TRIM52: variants seen among roughly 807,000 people sequenced by gnomAD.
TRIM52 encodes the protein E3 ubiquitin-protein ligase TRIM52.
A neutral mutation model predicts 27.0 loss-of-function variants in TRIM52; 24 were observed. The observed-to-expected ratio is 0.89, with a 90% CI of 0.64 to 1.25. TRIM52 has a LOEUF of 1.25. Ranked by LOEUF, TRIM52 falls within the 50% of genes most tolerant of loss-of-function variation. TRIM52 has a pLI of 0.00. For missense variants in TRIM52, 351 were observed against 354.7 expected (o/e 0.99, Z 0.08); for synonymous variants, 125 against 126.5 (o/e 0.99, Z 0.08).
Position 181,260,021 on chromosome 5 carries a change from C to T in TRIM52, c.793G>A (p.Glu265Lys), listed in dbSNP as rs200981187. 5.2e-4 allele frequency: 842 copies of T among 1,614,058 alleles called. No homozygotes were observed. Among genetic ancestry groups the T allele is most frequent in the Non-Finnish European group, 6.7e-4 (792 of 1,180,044 alleles). The change falls in exon 1 of 2, where the codon GAG becomes AAG. Residue 265 changes from glutamate (E) to lysine (K), a missense_variant. Physicochemically the swap from Glu to Lys is moderately conservative, Grantham distance 56. Coordinates refer to ENST00000688015, the MANE Select transcript of TRIM52 (RefSeq NM_001346048.2). This position sits in a 1 kb window ranked among gnomAD's most constrained non-coding sequence, Gnocchi z 4.4. Reference protein sequence around the residue: ...HKQHSVLPLEEVVQEYQKIGS... With the variant: ...HKQHSVLPLEKVVQEYQKIGS... ...CTCACCTGGTACTCCTGCACCACCT[C>T]CTCCAAAGGCAGCACGCTGTGCTGT...
chr5:181,257,626 T>C, intron 1 of TRIM52: 1 of 598,144 alleles, frequency 1.7e-6, no homozygotes, highest in Non-Finnish European at 2.6e-6. Context: ...CTTTGGTCAG[T>C]AAAATTCTAA....
downstream of TRIM52, chr5:181,255,029 T>C (rs1163805228): frequency 1.3e-5 from 2 of 152,226 alleles, no homozygotes; most frequent in African/African-American, 4.8e-5. Context: ...TGTATGTTTT[T>C]CCTCAATGTT....
intron 1 of TRIM52, chr5:181,257,597 C>CAA: frequency 1.2e-6 from 1 of 838,470 alleles, no homozygotes; most frequent in Non-Finnish European, 1.7e-6. Flanking sequence ...GTTCCTTGTA[C>CAA]TGTTAACTAT....
intron 1 of TRIM52, chr5:181,257,515 T>C (rs749644394): frequency 1.6e-5 from 25 of 1,593,946 alleles, no homozygotes; most frequent in Non-Finnish European, 2.1e-5. Context: ...AAAAATGAAG[T>C]TTTTTTAACA....
At chr5:181,259,778 T>G in intron 1 of TRIM52, 1 of 914,966 alleles carries the variant, frequency 1.1e-6, no homozygotes, top group Non-Finnish European at 1.6e-6. Context: ...ATATTATCTG[T>G]TCAGCTTCCT....
At chr5:181,257,123 C>G in intron 1 of TRIM52, 2 of 1,077,990 alleles carry the variant, frequency 1.9e-6, no homozygotes, top group Non-Finnish European at 2.2e-6. Context: ...TAAAACCTGA[C>G]ACCATTTAAT....
intron 1 of TRIM52, 111 bp from the exon 2 acceptor site, chr5:181,256,970 G>GTC (rs1759807195): frequency 1.0e-6 from 1 of 986,624 alleles, no homozygotes; most frequent in African/African-American, 1.7e-5. Context: ...ACTGATGATG[G>GTC]AAGCATCTGG....
Position 181,260,906 on chromosome 5 carries a change from C to A in TRIM52, c.-93G>T, listed in dbSNP as rs114579724. 54,690 of 1,468,702 alleles carry A rather than the reference C, an allele frequency of 0.037. 1,215 individuals carry two copies. The highest frequency in any genetic ancestry group is 0.043 in the Non-Finnish European group (47,777 of 1,109,752). 91.0% of individuals were successfully genotyped at this position (1,468,702 alleles called of 1,614,324 possible). A position where few individuals can be genotyped will look rare whatever the true frequency, so the allele number is the denominator to read the frequency against. ...CTGCCTCCAAACTACTCTGGTGACC[C>A]GAGGCTGTCCTCAACCTTGCTCTTC... On this transcript the variant is annotated 5_prime_UTR_variant, in exon 1 of 2. Transcript: ENST00000688015. The surrounding 1 kb of genome is among the most constrained non-coding windows in gnomAD (Gnocchi z 4.4).
At chr5:181,253,821 A>C (rs2113235706), downstream of TRIM52, among the ~76,000 whole-genome samples, 1 of 141,194 alleles carries the variant, frequency 7.1e-6, no homozygotes, top group South Asian at 2.3e-4. Flanking sequence ...ATGTAGGGAG[A>C]TCTCCACAAA....
chr5:181,257,413 C>G lies in TRIM52; in HGVS notation c.814-554G>C, dbSNP rs1394147246. The G allele has an allele frequency of 1.9e-6, 3 of 1,606,640 alleles. No individual in the cohort carries two copies. In the South Asian group the frequency reaches 3.4e-5, roughly 18 times the overall value. ...TGTGGCTACCCAACTTTTCACACAT[C>G]TTACTGATTATAGGCCTTGCTGTGA... On this transcript the variant is annotated intron_variant, in intron 1 of 1. Coordinates refer to ENST00000688015, the MANE Select transcript of TRIM52 (RefSeq NM_001346048.2).
rs769286134 is a variant in TRIM52, at chr5:181,260,695, C to T, written c.119G>A (p.Cys40Tyr). The T allele has an allele frequency of 2.5e-6, 4 of 1,614,048 alleles. No homozygotes were observed. In the Admixed American group the frequency reaches 6.7e-5, roughly 27 times the overall value. The change falls in exon 1 of 2, where the codon TGC becomes TAC. Residue 40 changes from cysteine to tyrosine, a missense_variant. Transcript: ENST00000688015. This position sits in a 1 kb window ranked among gnomAD's most constrained non-coding sequence, Gnocchi z 4.4. ...PVSISCGHNF[C>Y]RGCVTQLWSK... ...CCACAGCTGGGTCACACACCCTCGGCAGAAGTTGTGCCCACAGCTGATGGA... is the reference window on the plus strand; with the variant it reads ...CCACAGCTGGGTCACACACCCTCGGTAGAAGTTGTGCCCACAGCTGATGGA...
chr5:181,251,468 CAAAA>C (rs905686485), downstream of TRIM52, among the ~76,000 whole-genome samples: 7 of 152,028 alleles, frequency 4.6e-5, no homozygotes, highest in African/African-American at 7.3e-5. Flanking sequence ...AACAAACAAA[CAAAA>C]AAACCCTCCA....
downstream of TRIM52, among the ~76,000 whole-genome samples, chr5:181,254,226 C>T (rs368840938): frequency 5.2e-5 from 7 of 135,868 alleles, 2 homozygotes; most frequent in East Asian, 1.5e-3. Context: ...GGAGGCGGAG[C>T]TGGCAGTGAG....
downstream of TRIM52, among the ~76,000 whole-genome samples, chr5:181,250,760 A>G (rs1385996253): frequency 1.3e-5 from 2 of 152,220 alleles, no homozygotes; most frequent in Non-Finnish European, 2.9e-5. Context: ...GATGAAGGGC[A>G]GTCCTCTCTG....
intron 1 of TRIM52, chr5:181,257,562 T>C (rs772151437): frequency 3.6e-5 from 47 of 1,301,470 alleles, no homozygotes; most frequent in Middle Eastern, 1.9e-4. Flanking sequence ...GTATACTGTA[T>C]TAAATAAACC....
At chr5:181,258,483 T>C (rs1241162569) in intron 1 of TRIM52, 2 of 152,198 alleles carry the variant, frequency 1.3e-5, no homozygotes, top group South Asian at 2.1e-4. Flanking sequence ...GTTTTTTCCA[T>C]GGGATACTTT....
At chr5:181,253,035 C>CTTT (rs537636866), downstream of TRIM52, among the ~76,000 whole-genome samples, 1 of 134,708 alleles carries the variant, frequency 7.4e-6, no homozygotes, top group African/African-American at 2.9e-5. Context: ...ACTCAGGGTA[C>CTTT]TTTTTTTTTT....
Position 181,260,296 on chromosome 5 carries a change from G to A in TRIM52, c.518C>T (p.Pro173Leu). The A allele has an allele frequency of 1.2e-6, 2 of 1,614,198 alleles. No individual in the cohort carries two copies. The highest frequency in any genetic ancestry group is 8.5e-7 in the Non-Finnish European group (1 of 1,180,024). Reference protein sequence around the residue: ...EELYPDIHPPPSLPLPGQFTC... With the variant: ...EELYPDIHPPLSLPLPGQFTC... ...GAACTGCCCTGGAAGGGGCAAGGAA[G>A]GAGGCGGGTGGATGTCAGGATACAG... is the stretch of plus-strand genomic sequence containing the variant. Residue 173 changes from proline to leucine, a missense_variant, in exon 1 of 2, where the codon CCT (proline) becomes CTT (leucine). Pro to Leu is a moderately conservative substitution (Grantham distance 98). Transcript: ENST00000688015. The surrounding 1 kb of genome is among the most constrained non-coding windows in gnomAD (Gnocchi z 4.4).
In TRIM52 at chr5:181,260,357, T is replaced by C. The variant is rs1554106303; in HGVS notation, c.457A>G (p.Ile153Val). 2.5e-6 allele frequency: 4 copies of C among 1,614,116 alleles called. No homozygotes were observed. Among genetic ancestry groups the C allele is most frequent in the Non-Finnish European group, 2.5e-6 (3 of 1,180,006 alleles). ...TCGTCCTCATCGTATGCTTCCAGTA[T>C]TTCTTCTTCTCGGTAGACATCAATT... ...LRIDVYREEEILEAYDEDEDE... is the reference protein window; with the variant it reads ...LRIDVYREEEVLEAYDEDEDE... The change falls in exon 1 of 2, where the codon ATA becomes GTA. Residue 153 changes from isoleucine (I) to valine (V), a missense_variant. Ile to Val is a conservative substitution (Grantham distance 29). Coordinates refer to ENST00000688015, the MANE Select transcript of TRIM52 (RefSeq NM_001346048.2). This position sits in a 1 kb window ranked among gnomAD's most constrained non-coding sequence, Gnocchi z 4.4.
Sources: gnomAD v4.1 joint callset for allele counts (sites outside exome capture counted in the v4.1 genomes callset) on GRCh38, gnomAD v4.1.1 for gene constraint, Gnocchi (gnomAD v3.1) non-coding constraint, MANE v1.5 for transcripts, NCBI Gene and HGNC (gene_info 2026-07-23, HGNC 2026-07-21) for gene names.